MYPN: variants seen among roughly 807,000 people sequenced by gnomAD.
MYPN encodes the protein myopalladin.
Under a neutral mutation model 129.4 loss-of-function variants are expected in MYPN, and 63 were observed. The ratio of observed to expected loss-of-function variants is 0.49; its 90% CI spans 0.40 to 0.60. The LOEUF is 0.60. Among genes scored for constraint, MYPN ranks in the 20% least tolerant of loss-of-function variants. MYPN has a pLI of 0.00. For missense variants in MYPN, 1,596 were observed against 1,635.4 expected (o/e 0.98, Z 0.42); for synonymous variants, 629 against 600.9 (o/e 1.05, Z -0.68).
At chr10:68,173,054 C>A (rs2043166514) in intron 10 of MYPN, among the ~76,000 whole-genome samples, 1 of 152,106 alleles carries the variant, frequency 6.6e-6, no homozygotes, top group Non-Finnish European at 1.5e-5. Context: ...GCCTGGGCAA[C>A]AGAGTGAGAC....
chr10:68,168,735 G>T (rs1419591942), intron 10 of MYPN, among the ~76,000 whole-genome samples: 1 of 152,078 alleles, frequency 6.6e-6, no homozygotes, highest in Non-Finnish European at 1.5e-5. Flanking sequence ...CAGTAGAAAG[G>T]ATTGTTCAAG....
chr10:68,164,929 T>C (rs943593157), intron 8 of MYPN, among the ~76,000 whole-genome samples: 1 of 152,270 alleles, frequency 6.6e-6, no homozygotes, highest in African/African-American at 2.4e-5. Context: ...TTTTAAATTG[T>C]GGTCCTTGTT....
At chr10:68,193,442 T>C (rs566763124) in intron 13 of MYPN, among the ~76,000 whole-genome samples, 11 of 152,346 alleles carry the variant, frequency 7.2e-5, no homozygotes, top group Admixed American at 7.2e-4. Context: ...TATTTTTCTG[T>C]CTGCTTAATA....
At chr10:68,158,094 C>T (rs149584216) in intron 6 of MYPN, 34 of 190,386 alleles carry the variant, frequency 1.8e-4, no homozygotes, top group African/African-American at 7.8e-4. Flanking sequence ...TGAGGGTGAT[C>T]TGGCTGTGAC....
chr10:68,113,766 G>A (rs1172343567), intron 1 of MYPN, among the ~76,000 whole-genome samples: 7 of 150,946 alleles, frequency 4.6e-5, no homozygotes, highest in South Asian at 4.2e-4. Context: ...AGGTTTAATT[G>A]ACAAATTAAA....
chr10:68,208,498 T>C (rs576724786), intron 19 of MYPN, among the ~76,000 whole-genome samples: 4 of 152,298 alleles, frequency 2.6e-5, no homozygotes, highest in Non-Finnish European at 4.4e-5. Flanking sequence ...AGTAGTGATA[T>C]GTTCCTTAAT....
intron 11 of MYPN, among the ~76,000 whole-genome samples, chr10:68,174,861 G>A (rs889942471): frequency 6.6e-6 from 1 of 152,188 alleles, no homozygotes; most frequent in African/African-American, 2.4e-5. Flanking sequence ...CAGGCTAGGT[G>A]TGGTAACTCA....
chr10:68,140,506 G>GTTTTTTTTTTTTT (rs1160944611), intron 2 of MYPN, among the ~76,000 whole-genome samples: 1 of 146,416 alleles, frequency 6.8e-6, no homozygotes, highest in Non-Finnish European at 1.5e-5. Context: ...CATAGTATAG[G>GTTTTTTTTTTTTT]TTTTTTTTTT....
chr10:68,121,423 A>T lies in MYPN; in HGVS notation c.-1-15A>T. On this transcript the variant is annotated splice_polypyrimidine_tract_variant and intron_variant, in intron 1 of 19. Coordinates refer to ENST00000358913, the MANE Select transcript of MYPN (RefSeq NM_032578.4). ...GAAATGATCCAAACTTTTTGTTATT[A>T]TTATTTTGTGACAGCATGCAAGACG... The T allele has an allele frequency of 6.2e-7, 1 of 1,604,478 alleles. No homozygotes were observed. Among genetic ancestry groups the T allele is most frequent in the Non-Finnish European group, 8.5e-7 (1 of 1,176,110 alleles).
At chr10:68,173,207 T>C (rs905232388) in intron 10 of MYPN, among the ~76,000 whole-genome samples, 20 of 152,352 alleles carry the variant, frequency 1.3e-4, no homozygotes, top group African/African-American at 3.6e-4. Flanking sequence ...GAAACCTCTC[T>C]GAGACACATC....
chr10:68,113,248 T>A (rs1285306455), intron 1 of MYPN, among the ~76,000 whole-genome samples: 1 of 152,338 alleles, frequency 6.6e-6, no homozygotes, highest in South Asian at 2.1e-4. Context: ...CTTAAACATA[T>A]TTATCTTTTC....
chr10:68,172,685 C>T (rs1194540829), intron 10 of MYPN, among the ~76,000 whole-genome samples: 2 of 152,056 alleles, frequency 1.3e-5, no homozygotes, highest in African/African-American at 4.8e-5. Context: ...CTTTTAGGAA[C>T]AATAAAAGTC....
chr10:68,144,799 A>G (rs2042634952), intron 3 of MYPN, among the ~76,000 whole-genome samples: 1 of 152,144 alleles, frequency 6.6e-6, no homozygotes, highest in South Asian at 2.1e-4. Flanking sequence ...TGTGTAGGCC[A>G]AGAGGAAGAG....
intron 8 of MYPN, 31 bp downstream of exon 8, chr10:68,161,783 T>C (rs1263289565): frequency 5.9e-6 from 9 of 1,534,874 alleles, no homozygotes; most frequent in Non-Finnish European, 8.1e-6. Flanking sequence ...AATTTATTAG[T>C]ATATGAGTGA....
Position 68,202,014 on chromosome 10 carries a change from C to A in MYPN, c.3659+20C>A. The A allele has an allele frequency of 6.2e-7, 1 of 1,613,746 alleles. No individual in the cohort carries two copies. The highest frequency in any genetic ancestry group is 8.5e-7 in the Non-Finnish European group (1 of 1,179,942). ...GATCAGGTACAGCAGCCACCACATC[C>A]AGAGGGACTCCCACTCTCAGTGGGG... On this transcript the variant is annotated intron_variant, in intron 18 of 19. Coordinates refer to ENST00000358913, the MANE Select transcript of MYPN (RefSeq NM_032578.4).
At chr10:68,131,121 G>T (rs1354745197) in intron 2 of MYPN, among the ~76,000 whole-genome samples, 1 of 152,172 alleles carries the variant, frequency 6.6e-6, no homozygotes, top group African/African-American at 2.4e-5. Flanking sequence ...GGGTGTGGGG[G>T]CTCACGCCTG....
intron 5 of MYPN, among the ~76,000 whole-genome samples, chr10:68,149,163 G>GGCCCCA (rs3084670): frequency 6.6e-6 from 1 of 151,730 alleles, no homozygotes; most frequent in African/African-American, 2.4e-5. Flanking sequence ...GAGAGGTCAA[G>GGCCCCA]GTGACCTGTG....
chr10:68,164,361 A>G (rs993501543), intron 8 of MYPN, among the ~76,000 whole-genome samples: 4 of 152,208 alleles, frequency 2.6e-5, no homozygotes, highest in African/African-American at 9.6e-5. Context: ...ACATGTATCC[A>G]TTTATTAGGG....
intron 1 of MYPN, among the ~76,000 whole-genome samples, chr10:68,115,898 C>G (rs2042150505): frequency 6.6e-6 from 1 of 152,162 alleles, no homozygotes; most frequent in Non-Finnish European, 1.5e-5. Flanking sequence ...CTGTCAGGAA[C>G]ATTTTTTTTT....
Sources: gnomAD v4.1 joint callset for allele counts (sites outside exome capture counted in the v4.1 genomes callset) on GRCh38, gnomAD v4.1.1 for gene constraint, MANE v1.5 for transcripts, NCBI Gene and HGNC (gene_info 2026-07-23, HGNC 2026-07-21) for gene names.